The following LITAF variants were observed in gnomAD, a reference collection of about 807,000 sequenced individuals.
LITAF encodes the protein lipopolysaccharide-induced tumor necrosis factor-alpha factor.
Under a neutral mutation model 14.5 loss-of-function variants are expected in LITAF, and 9 were observed. The ratio of observed to expected loss-of-function variants is 0.62; its 90% CI spans 0.37 to 1.08. The LOEUF (loss-of-function observed/expected upper bound fraction) is 1.08, where lower values mean the gene tolerates loss of function less well. LITAF is among the 50% of genes least tolerant of loss of function. The pLI, the probability that LITAF is intolerant of heterozygous loss-of-function variation, is 0.01. For synonymous variants in LITAF, 98 were observed against 88.2 expected, an observed-to-expected ratio of 1.11 and a Z score of -0.62; for missense variants, 206 against 213.4, an observed-to-expected ratio of 0.97 and a Z score of 0.22.
chr16:11,577,521 C>A (rs2064659199), intron 1 of LITAF, among the ~76,000 whole-genome samples: 1 of 151,928 alleles, frequency 6.6e-6, no homozygotes, highest in Non-Finnish European at 1.5e-5. Flanking sequence ...TTTCACCATG[C>A]TGGCCAGGTT....
At chr16:11,593,747 C>T (rs2064863556) in intron 1 of LITAF, among the ~76,000 whole-genome samples, 1 of 152,184 alleles carries the variant, frequency 6.6e-6, no homozygotes, top group Non-Finnish European at 1.5e-5. Flanking sequence ...AAACCAGACA[C>T]CAAAAACCAC....
chr16:11,610,960 G>C (rs11641991), intron 3 of LITAF, among the ~76,000 whole-genome samples: 1 of 151,666 alleles, frequency 6.6e-6, no homozygotes, highest in Non-Finnish European at 1.5e-5. Context: ...CTCTCCCCCA[G>C]CTACCGAAAT....
At chr16:11,574,906 G>A (rs537537143) in intron 1 of LITAF, among the ~76,000 whole-genome samples, 5 of 151,810 alleles carry the variant, frequency 3.3e-5, no homozygotes, top group African/African-American at 1.2e-4. Flanking sequence ...AGGTTCAAGC[G>A]ATTCTCCTGC....
intron 1 of LITAF, among the ~76,000 whole-genome samples, chr16:11,567,076 AC>A (rs2064461961): frequency 6.6e-6 from 1 of 152,042 alleles, no homozygotes; most frequent in Non-Finnish European, 1.5e-5. Flanking sequence ...TTGTTTCTCA[AC>A]AGGGCACCCT....
At chr16:11,584,135 G>C (rs916420186) in intron 1 of LITAF, 1 of 152,192 alleles carries the variant, frequency 6.6e-6, no homozygotes, top group African/African-American at 2.4e-5. Flanking sequence ...ACAGACCCGG[G>C]AGACGTCAAA....
At chr16:11,587,642 C>A (rs140089815), upstream of LITAF, 848 of 227,180 alleles carry the variant, frequency 3.7e-3, 11 homozygotes, top group African/African-American at 0.019. Context: ...GCCAGGTAGG[C>A]CTTTCTCAGC....
intron 1 of LITAF, among the ~76,000 whole-genome samples, chr16:11,584,899 T>C (rs1346825222): frequency 2.0e-5 from 3 of 152,134 alleles, no homozygotes; most frequent in Non-Finnish European, 2.9e-5. Context: ...TACACTTCAA[T>C]CTACTATTTT....
chr16:11,611,259 A>T (rs1256112237), intron 3 of LITAF, among the ~76,000 whole-genome samples: 1 of 151,972 alleles, frequency 6.6e-6, no homozygotes, highest in Non-Finnish European at 1.5e-5. Context: ...GGGAGGATGA[A>T]TTGAGCCCAG....
upstream of LITAF, among the ~76,000 whole-genome samples, chr16:11,590,972 A>T (rs1333658954): frequency 4.3e-5 from 5 of 116,122 alleles, 2 homozygotes; most frequent in East Asian, 1.5e-3. Context: ...GACTCAAGTG[A>T]TCCACCTGCC....
intron 3 of LITAF, among the ~76,000 whole-genome samples, chr16:11,617,484 G>A (rs893282376): frequency 2.1e-5 from 3 of 140,084 alleles, no homozygotes; most frequent in African/African-American, 5.4e-5. Context: ...CCAGGCTGGA[G>A]TGGAGTGGCA....
Position 11,548,711 on chromosome 16 carries a change from T to C in LITAF, c.*926A>G. ...TATGTTCAGGCCCAGCATGGTAGCT[T>C]ATGCCTGCAATCCCAGCACTTCGGG... is the stretch of plus-strand genomic sequence containing the variant. On this transcript the variant is annotated 3_prime_UTR_variant, in exon 4 of 4. Transcript: ENST00000622633. 1 of 453,830 alleles carries C rather than the reference T, an allele frequency of 2.2e-6. No homozygotes were observed. Among genetic ancestry groups the C allele is most frequent in the South Asian group, 1.6e-5 (1 of 64,368 alleles). The allele number at this position is 453,830 out of a possible 1,614,324, so 28.1% of individuals were successfully genotyped here. A position where few individuals can be genotyped will look rare whatever the true frequency, so the allele number is the denominator to read the frequency against.
intron 1 of LITAF, among the ~76,000 whole-genome samples, chr16:11,593,296 C>A (rs2064859576): frequency 7.2e-6 from 1 of 139,254 alleles, no homozygotes; most frequent in South Asian, 2.2e-4. Flanking sequence ...GCAGATGTTG[C>A]AGTGAGCCGA....
intron 3 of LITAF, among the ~76,000 whole-genome samples, chr16:11,627,191 T>C (rs1285852939): frequency 7.2e-5 from 11 of 152,318 alleles, no homozygotes; most frequent in Admixed American, 5.9e-4. Context: ...GTAATGGGCA[T>C]GTGACCCAAG....
At position 11,549,545 on chromosome 16, in the gene LITAF, C is replaced by T. The variant is rs576227906; in HGVS notation, c.*92G>A. On this transcript the variant is annotated 3_prime_UTR_variant, in exon 4 of 4. Transcript: ENST00000622633. This position sits in a 1 kb window ranked among gnomAD's most constrained non-coding sequence, Gnocchi z 4.6. ...GGTGGGCCCCCTGGAGAGGTGAGACCACCAGGGCAGAACCTCCACCAGGCG... is the reference window on the plus strand; with the variant it reads ...GGTGGGCCCCCTGGAGAGGTGAGACTACCAGGGCAGAACCTCCACCAGGCG... 3 of 955,192 alleles carry T rather than the reference C, an allele frequency of 3.1e-6. No homozygotes were observed. In the Admixed American group the frequency reaches 6.0e-5, roughly 19 times the overall value. 59.2% of individuals were successfully genotyped at this position (955,192 alleles called of 1,614,324 possible). A position where few individuals can be genotyped will look rare whatever the true frequency, so the allele number is the denominator to read the frequency against.
intron 1 of LITAF, chr16:11,584,194 T>A (rs1018900573): frequency 1.3e-5 from 2 of 152,220 alleles, no homozygotes; most frequent in Admixed American, 6.5e-5. Flanking sequence ...ATTTACCTGA[T>A]AGACCGCCTC....
At chr16:11,606,762 G>T (rs1369493757) in intron 3 of LITAF, among the ~76,000 whole-genome samples, 1 of 151,956 alleles carries the variant, frequency 6.6e-6, no homozygotes, top group Non-Finnish European at 1.5e-5. Flanking sequence ...AGCCTCCCGA[G>T]TAGCTGGGAC....
chr16:11,632,060 G>T lies in LITAF; in HGVS notation c.85+1473C>A, dbSNP rs1346722081. Among the ~76,000 whole-genome samples, 1 of 151,268 alleles carries T rather than the reference G, an allele frequency of 6.6e-6. No homozygotes were observed. The highest frequency in any genetic ancestry group is 1.5e-5 in the Non-Finnish European group (1 of 67,832). Reference sequence around the variant, plus strand: ...TTTTTTGTCTTTTTAGTAGAGACGGGGTTTCACCGTGTTAACCAGGATGGT... The same window carrying T: ...TTTTTTGTCTTTTTAGTAGAGACGGTGTTTCACCGTGTTAACCAGGATGGT... On this transcript the variant is annotated intron_variant, in intron 3 of 3. Transcript: ENST00000574848. The surrounding 1 kb of genome is among the most constrained non-coding windows in gnomAD (Gnocchi z 4.8).
At chr16:11,602,371 A>G (rs2064933118), upstream of LITAF, among the ~76,000 whole-genome samples, 1 of 152,142 alleles carries the variant, frequency 6.6e-6, no homozygotes, top group Non-Finnish European at 1.5e-5. Context: ...TATATAAATA[A>G]TAAGATATTC....
intron 3 of LITAF, among the ~76,000 whole-genome samples, chr16:11,604,902 C>T (rs1244662842): frequency 7.2e-5 from 11 of 152,132 alleles, no homozygotes; most frequent in Non-Finnish European, 1.5e-5. Context: ...CCACCCACGC[C>T]TGTTCAAGGA....
Sources: gnomAD v4.1 joint callset for allele counts (sites outside exome capture counted in the v4.1 genomes callset) on GRCh38, gnomAD v4.1.1 for gene constraint, Gnocchi (gnomAD v3.1) non-coding constraint, MANE v1.5 for transcripts, NCBI Gene and HGNC (gene_info 2026-07-23, HGNC 2026-07-21) for gene names.